Variants in AFF2 observed in about 807,000 individuals in gnomAD.
The protein encoded by AFF2 is ALF transcription elongation factor 2.
Under a neutral mutation model 76.9 loss-of-function variants are expected in AFF2, and 14 were observed. That is an observed-to-expected ratio of 0.18 (90% CI 0.12 to 0.28). The LOEUF is 0.28. Ranked by LOEUF, AFF2 falls within the 10% of genes least tolerant of loss-of-function variation. AFF2 has a pLI of 1.00. For missense variants in AFF2, 868 were observed against 1,001.1 expected (o/e 0.87, Z 1.79); for synonymous variants, 398 against 366.7 (o/e 1.09, Z -0.98).
intron 12 of AFF2, among the ~76,000 whole-genome samples, chrX:148,959,159 A>C (rs1192239640): frequency 3.6e-5 from 4 of 111,415 alleles, no homozygotes. Flanking sequence ...AGAGTCCAGC[A>C]GGAGGCCTCC....
chrX:148,904,131 A>G (rs1458241257), intron 8 of AFF2, 90 bp from the exon 9 acceptor site: 1 of 602,834 alleles, frequency 1.7e-6, no homozygotes, highest in Non-Finnish European at 2.8e-6. Context: ...GTTTCTGAAG[A>G]GCATTTTATA....
At chrX:148,781,977 G>C (rs1018822692) in intron 3 of AFF2, among the ~76,000 whole-genome samples, 2 of 110,876 alleles carry the variant, frequency 1.8e-5, no homozygotes, top group Admixed American at 1.9e-4. Context: ...ATGAGGCGAC[G>C]CCCCATCCTG....
At chrX:148,736,495 G>A (rs1313482711) in intron 3 of AFF2, among the ~76,000 whole-genome samples, 10 of 110,118 alleles carry the variant, frequency 9.1e-5, no homozygotes, top group Non-Finnish European at 1.9e-4. Context: ...GTTTGAGTTC[G>A]TTGTAGATTC....
intron 7 of AFF2, among the ~76,000 whole-genome samples, chrX:148,877,894 G>T (rs1373658697): frequency 4.5e-5 from 5 of 112,102 alleles, no homozygotes; most frequent in African/African-American, 1.6e-4. Context: ...CTCCATAAAG[G>T]AGTTATTTCC....
At chrX:148,683,398 G>A (rs782306206) in intron 3 of AFF2, among the ~76,000 whole-genome samples, 1 of 111,789 alleles carries the variant, frequency 8.9e-6, no homozygotes, top group East Asian at 2.8e-4. Context: ...ATCAGTCTAC[G>A]TAGTACTCAA....
intron 1 of AFF2, among the ~76,000 whole-genome samples, chrX:148,583,658 A>G: frequency 8.9e-6 from 1 of 111,879 alleles, no homozygotes; most frequent in East Asian, 2.8e-4. Flanking sequence ...TTCAATATAG[A>G]CAAAGACACA....
At chrX:148,701,012 A>AGAGTG (rs782232655) in intron 3 of AFF2, among the ~76,000 whole-genome samples, 17 of 73,676 alleles carry the variant, frequency 2.3e-4, no homozygotes, top group African/African-American at 6.4e-4. Context: ...GAGAGAGAGA[A>AGAGTG]TGTGTGTGTG....
Position 148,843,404 on chromosome X carries a change from A to G in AFF2, c.1233A>G (p.Arg411=), listed in dbSNP as rs370129290. 12 of 1,207,540 alleles carry G rather than the reference A, an allele frequency of 9.9e-6. No individual in the cohort carries two copies. The highest frequency in any genetic ancestry group is 8.8e-5 in the African/African-American group (5 of 56,921). Residue 411 remains arginine, a synonymous_variant, in exon 7 of 21, where the codon AGA becomes AGG. Coordinates refer to ENST00000370460, the MANE Select transcript of AFF2 (RefSeq NM_002025.4). ...TLQKWNDPTT[R]ASTKSVSFKS... ...CAGAGTGGAATGACCCAACCACCAG[A>G]GCTTCTACAAAGTCAGTGTCTTTCA...
intron 1 of AFF2, among the ~76,000 whole-genome samples, chrX:148,589,093 C>A (rs1205986936): frequency 1.8e-5 from 2 of 110,389 alleles, no homozygotes; most frequent in Non-Finnish European, 3.8e-5. Flanking sequence ...GCTTTGAGAA[C>A]TTTCCTCTTT....
chrX:148,677,720 A>T (rs1245949614), intron 3 of AFF2, among the ~76,000 whole-genome samples: 1 of 112,559 alleles, frequency 8.9e-6, no homozygotes, highest in Admixed American at 9.4e-5. Flanking sequence ...CACAGGGAAC[A>T]TGTTTACAAT....
At chrX:148,823,660 A>G (rs2070353230) in intron 4 of AFF2, among the ~76,000 whole-genome samples, 1 of 111,967 alleles carries the variant, frequency 8.9e-6, no homozygotes, top group Admixed American at 9.5e-5. Flanking sequence ...TAGACTGTGT[A>G]TTCTAGACTG....
At chrX:148,921,301 C>A (rs2071592961) in intron 9 of AFF2, among the ~76,000 whole-genome samples, 1 of 112,102 alleles carries the variant, frequency 8.9e-6, no homozygotes, top group Non-Finnish European at 1.9e-5. Context: ...CTGATTTATA[C>A]AATTCATTGG....
At chrX:148,878,709 C>T (rs60799217) in intron 7 of AFF2, among the ~76,000 whole-genome samples, 1,666 of 111,699 alleles carry the variant, frequency 0.015, 37 homozygotes, top group African/African-American at 0.052. Flanking sequence ...GAATTATCCC[C>T]GCATTTGTTT....
At position 148,999,473 on chromosome X, in the gene AFF2, T is replaced by C. The variant is rs1472752700; in HGVS notation, c.*8141T>C. 2 of 112,608 alleles carry C rather than the reference T, an allele frequency of 1.8e-5. No homozygotes were observed. The highest frequency in any genetic ancestry group is 3.2e-5 in the African/African-American group (1 of 30,959). 9.3% of individuals were successfully genotyped at this position (112,608 alleles called of 1,213,427 possible). A position where few individuals can be genotyped will look rare whatever the true frequency, so the allele number is the denominator to read the frequency against. On this transcript the variant is annotated 3_prime_UTR_variant, in exon 21 of 21. Coordinates refer to ENST00000370460, the MANE Select transcript of AFF2 (RefSeq NM_002025.4). ...ATTTATTGAGTAACTGGGACACAAA[T>C]GGGAATTTAATTGTCATCATATGCT...
chrX:148,981,133 T>C (rs1557290817), intron 19 of AFF2, among the ~76,000 whole-genome samples: 1 of 112,333 alleles, frequency 8.9e-6, no homozygotes, highest in East Asian at 2.8e-4. Context: ...AATGAAATAT[T>C]CATTGATATA....
intron 3 of AFF2, among the ~76,000 whole-genome samples, chrX:148,718,463 C>T (rs2055052255): frequency 9.0e-6 from 1 of 111,138 alleles, no homozygotes; most frequent in Non-Finnish European, 1.9e-5. Context: ...TTTGTACAAC[C>T]TTGGGCAAGA....
chrX:148,747,334 G>A (rs2055433257), intron 3 of AFF2, among the ~76,000 whole-genome samples: 1 of 111,504 alleles, frequency 9.0e-6, no homozygotes, highest in Non-Finnish European at 1.9e-5. Flanking sequence ...CCTAGAAGGA[G>A]CTTGACAAAT....
chrX:148,615,239 G>A (rs139044699), intron 1 of AFF2, among the ~76,000 whole-genome samples: 9,071 of 111,624 alleles, frequency 0.081, 346 homozygotes, highest in Non-Finnish European at 0.11. Context: ...GCAGAATCAA[G>A]AAATGCAACA....
chrX:148,698,797 G>GGTT (rs2054752142), intron 3 of AFF2, among the ~76,000 whole-genome samples: 3 of 71,714 alleles, frequency 4.2e-5, no homozygotes, highest in African/African-American at 5.0e-5. Context: ...GAGTTCTAGT[G>GGTT]TTTTTTTTTT....
Sources: gnomAD v4.1 joint callset for allele counts (sites outside exome capture counted in the v4.1 genomes callset) on GRCh38, gnomAD v4.1.1 for gene constraint, MANE v1.5 for transcripts, NCBI Gene and HGNC (gene_info 2026-07-23, HGNC 2026-07-21) for gene names.